Variants in TBCEL observed in about 807,000 individuals in gnomAD.
TBCEL encodes tubulin folding cofactor E like, also known as tubulin-specific chaperone cofactor E-like protein.
TBCEL carries 15 observed loss-of-function variants against 44.2 expected under a neutral mutation model. That is an observed-to-expected ratio of 0.34 (90% CI 0.23 to 0.52). The LOEUF (loss-of-function observed/expected upper bound fraction) is 0.52, where lower values mean the gene tolerates loss of function less well. TBCEL is among the 20% of genes least tolerant of loss of function. The pLI is 0.95. For synonymous variants in TBCEL, 171 were observed against 185.4 expected (o/e 0.92, Z 0.63); for missense variants, 319 against 506.3 (o/e 0.63, Z 3.55).
chr11:121,030,317 C>T (rs147415007), intron 1 of TBCEL, among the ~76,000 whole-genome samples: 128 of 152,174 alleles, frequency 8.4e-4, no homozygotes, highest in Non-Finnish European at 1.3e-3. Flanking sequence ...GAATCCTTGG[C>T]GACCATGATG....
intron 2 of TBCEL, among the ~76,000 whole-genome samples, chr11:121,044,033 C>G (rs1223054358): frequency 6.6e-6 from 1 of 152,080 alleles, no homozygotes; most frequent in Non-Finnish European, 1.5e-5. Flanking sequence ...CACCTGGTCA[C>G]CTGAACTAGA....
intron 8 of TBCEL, among the ~76,000 whole-genome samples, chr11:121,081,724 T>TA (rs1274919745): frequency 6.6e-6 from 1 of 152,246 alleles, no homozygotes; most frequent in Non-Finnish European, 1.5e-5. Flanking sequence ...TGATTTCTTA[T>TA]ATTTACTAAT....
At position 121,087,130 on chromosome 11, in the gene TBCEL, G is replaced by A. The variant is rs758912526; in HGVS notation, c.*34G>A. The A allele has an allele frequency of 6.4e-7, 1 of 1,569,706 alleles. No homozygotes were observed. Among genetic ancestry groups the A allele is most frequent in the Admixed American group, 1.9e-5 (1 of 53,194 alleles). Reference sequence around the variant, plus strand: ...AGCCTTGTGAAAAACATACACATAAGGACTTGTTGCAGGGCATTTGTTTTT... The same window carrying A: ...AGCCTTGTGAAAAACATACACATAAAGACTTGTTGCAGGGCATTTGTTTTT... On this transcript the variant is annotated 3_prime_UTR_variant, in exon 9 of 9. Coordinates refer to ENST00000683345, the MANE Select transcript of TBCEL (RefSeq NM_001363644.2).
At chr11:121,036,473 T>C (rs1945233568) in intron 1 of TBCEL, 32 bp from the exon 2 acceptor site, 1 of 152,194 alleles carries the variant, frequency 6.6e-6, no homozygotes, top group Admixed American at 6.5e-5. Context: ...TTGCTGAAAG[T>C]ATATGCAAAG....
chr11:121,071,898 G>A (rs1469633780), intron 8 of TBCEL, among the ~76,000 whole-genome samples: 2 of 152,096 alleles, frequency 1.3e-5, no homozygotes, highest in African/African-American at 4.8e-5. Flanking sequence ...CTGCTGTTGT[G>A]AAGGAACATT....
chr11:121,056,910 C>T (rs571879276), intron 6 of TBCEL, among the ~76,000 whole-genome samples: 32 of 151,698 alleles, frequency 2.1e-4, no homozygotes, highest in Non-Finnish European at 4.3e-4. Context: ...TCTGCAAATA[C>T]GTTCTCCCAG....
chr11:121,054,581 G>A (rs1210518038), intron 5 of TBCEL, among the ~76,000 whole-genome samples: 1 of 151,882 alleles, frequency 6.6e-6, no homozygotes, highest in South Asian at 2.1e-4. Flanking sequence ...CTGGCATAGG[G>A]TCTGACACAG....
rs149311905 is a variant in TBCEL at position 121,055,427 on chromosome 11, A to T, written c.712+119A>T. 19 of 1,104,034 alleles carry T rather than the reference A, an allele frequency of 1.7e-5. No individual in the cohort carries two copies. In the Admixed American group the frequency reaches 3.8e-4, roughly 22 times the overall value. 68.4% of individuals were successfully genotyped at this position (1,104,034 alleles called of 1,614,324 possible). ...ACCTTTTTTAGAGTGAATTTTCTATATGACATGCAGATGCCTATGATTGGC... is the reference window on the plus strand; with the variant it reads ...ACCTTTTTTAGAGTGAATTTTCTATTTGACATGCAGATGCCTATGATTGGC... On this transcript the variant is annotated intron_variant, in intron 6 of 8. Transcript: ENST00000683345.
At chr11:121,062,007 C>T (rs1945733094) in intron 8 of TBCEL, among the ~76,000 whole-genome samples, 1 of 152,022 alleles carries the variant, frequency 6.6e-6, no homozygotes, top group Admixed American at 6.6e-5. Flanking sequence ...CATTGTACAG[C>T]TGTACCAAAG....
chr11:121,051,408 A>G (rs953275803), intron 4 of TBCEL, among the ~76,000 whole-genome samples: 1 of 151,792 alleles, frequency 6.6e-6, no homozygotes, highest in Admixed American at 6.6e-5. Flanking sequence ...GGGTTGTCCT[A>G]TAAGTTATTC....
At chr11:121,024,957 T>C (rs1591372720) in intron 1 of TBCEL, among the ~76,000 whole-genome samples, 1 of 152,082 alleles carries the variant, frequency 6.6e-6, no homozygotes, top group East Asian at 1.9e-4. Flanking sequence ...TTGGGGGAAG[T>C]AAGGATCTGT....
chr11:121,042,958 A>T (rs1344183214), intron 2 of TBCEL, among the ~76,000 whole-genome samples: 1 of 152,056 alleles, frequency 6.6e-6, no homozygotes, highest in Non-Finnish European at 1.5e-5. Flanking sequence ...ATTGTACTAC[A>T]ACTTCCTCTT....
At chr11:121,033,836 A>G (rs1036746276) in intron 1 of TBCEL, among the ~76,000 whole-genome samples, 3 of 151,508 alleles carry the variant, frequency 2.0e-5, no homozygotes, top group East Asian at 1.9e-4. Context: ...GCTCCTGACA[A>G]TCACCATTCT....
chr11:121,075,947 C>CT (rs1388194595), intron 8 of TBCEL, among the ~76,000 whole-genome samples: 2 of 151,876 alleles, frequency 1.3e-5, no homozygotes, highest in African/African-American at 2.4e-5. Flanking sequence ...ACTGGTAAGA[C>CT]TATCCTTTTT....
intron 6 of TBCEL, among the ~76,000 whole-genome samples, chr11:121,055,703 A>G (rs1945607495): frequency 6.6e-6 from 1 of 151,848 alleles, no homozygotes; most frequent in African/African-American, 2.4e-5. Flanking sequence ...TAGTATCTGT[A>G]TGTAATTGAT....
At chr11:121,071,034 C>T (rs1945920787) in intron 8 of TBCEL, among the ~76,000 whole-genome samples, 1 of 152,052 alleles carries the variant, frequency 6.6e-6, no homozygotes, top group South Asian at 2.1e-4. Flanking sequence ...TATTTATAGC[C>T]CTGATTTCTC....
In TBCEL at chr11:121,090,749, A is replaced by T. The variant is rs1247957591; in HGVS notation, c.*3653A>T. 1 of 151,308 alleles carries T rather than the reference A, an allele frequency of 6.6e-6. No individual in the cohort carries two copies. The highest frequency in any genetic ancestry group is 1.9e-4 in the East Asian group (1 of 5,186). 9.4% of individuals were successfully genotyped at this position (151,308 alleles called of 1,614,324 possible). ...ATTAATATATATATAGATAATCTTT[A>T]AAAAAATTAAAATTCAAGTCCATTT... On this transcript the variant is annotated 3_prime_UTR_variant, in exon 9 of 9. Coordinates refer to ENST00000683345, the MANE Select transcript of TBCEL (RefSeq NM_001363644.2).
chr11:121,074,697 C>G (rs757144681), intron 8 of TBCEL, among the ~76,000 whole-genome samples: 3 of 151,818 alleles, frequency 2.0e-5, no homozygotes, highest in Non-Finnish European at 1.5e-5. Context: ...TAGAACAGTT[C>G]CATCATCCAA....
rs143016811 is a variant in TBCEL, at chr11:121,058,191, G to C, written c.713-154G>C. On this transcript the variant is annotated intron_variant, in intron 6 of 8. Transcript: ENST00000683345. ...GTTTTTGTGGTTTTAACTGTGTTCT[G>C]CTCTTGCCTTGGATGAAGAAAACTT... Among the ~76,000 whole-genome samples the C allele has an allele frequency of 5.9e-4, 90 of 151,900 alleles. 7 individuals are homozygous for C. In the East Asian group the frequency reaches 0.016, roughly 27 times the overall value.
Sources: allele counts gnomAD v4.1 joint callset (sites outside exome capture counted in the v4.1 genomes callset), GRCh38; gene constraint gnomAD v4.1.1; transcripts MANE v1.5; gene names NCBI Gene and HGNC (gene_info 2026-07-23, HGNC 2026-07-21).